The following TRPM8 variants were observed in gnomAD, a reference collection of about 807,000 sequenced individuals.
The protein encoded by TRPM8 is TRPM8 cationic channel.
In TRPM8, 110 loss-of-function variants were observed where a neutral mutation model predicts 133.7. That is an observed-to-expected ratio of 0.82 (90% CI 0.70 to 0.96). The LOEUF (loss-of-function observed/expected upper bound fraction) is 0.96, where lower values mean the gene tolerates loss of function less well. Among genes scored for constraint, TRPM8 ranks in the 40% least tolerant of loss-of-function variants. The pLI is 0.00. For synonymous variants in TRPM8, 535 were observed against 532.3 expected, an observed-to-expected ratio of 1.01 and a Z score of -0.07; for missense variants, 1,291 against 1,379.5, an observed-to-expected ratio of 0.94 and a Z score of 1.02.
chr2:233,949,401 G>C (rs1248862134), intron 8 of TRPM8, among the ~76,000 whole-genome samples: 1 of 152,182 alleles, frequency 6.6e-6, no homozygotes, highest in African/African-American at 2.4e-5. Context: ...AGTGTGCTAG[G>C]TGTTTATCCA....
intron 23 of TRPM8, 62 bp downstream of exon 23, chr2:234,007,014 G>T: frequency 3.9e-6 from 5 of 1,282,014 alleles, no homozygotes; most frequent in Non-Finnish European, 5.6e-6. Flanking sequence ...CCCATAGAAC[G>T]TAGGCAGCTT....
In TRPM8 at chr2:234,017,473, T is replaced by G; in HGVS notation, c.*217T>G. The stretch of plus-strand genomic sequence containing the variant: ...ACGGATATAAAGGAAGAATATTTCC[T>G]TTATGTGTTTCTCCAGAATGGTGCC... On this transcript the variant is annotated 3_prime_UTR_variant, in exon 26 of 26. Coordinates refer to ENST00000324695, the MANE Select transcript of TRPM8 (RefSeq NM_024080.5). 2 of 428,448 alleles carry G rather than the reference T, an allele frequency of 4.7e-6. No homozygotes were observed. Among genetic ancestry groups the G allele is most frequent in the Non-Finnish European group, 9.5e-6 (2 of 210,206 alleles). 26.5% of individuals were successfully genotyped at this position (428,448 alleles called of 1,614,324 possible).
At chr2:234,006,009 T>C (rs894899301) in intron 22 of TRPM8, among the ~76,000 whole-genome samples, 1 of 151,960 alleles carries the variant, frequency 6.6e-6, no homozygotes, top group South Asian at 2.1e-4. Flanking sequence ...TGGTTCTGTC[T>C]TTGACCCCCA....
intron 17 of TRPM8, among the ~76,000 whole-genome samples, chr2:233,973,802 T>C (rs1470508049): frequency 6.6e-6 from 1 of 152,198 alleles, no homozygotes; most frequent in Non-Finnish European, 1.5e-5. Context: ...AGAGAAAGAC[T>C]GAAGGAGATT....
chr2:233,947,265 C>T (rs774670084), intron 8 of TRPM8, 110 bp downstream of exon 8: 20 of 1,560,360 alleles, frequency 1.3e-5, no homozygotes, highest in Admixed American at 1.9e-5. Flanking sequence ...TTTACTGCAG[C>T]AAGTAGGTAG....
chr2:233,961,334 C>A (rs543887259), intron 12 of TRPM8, among the ~76,000 whole-genome samples: 94 of 152,108 alleles, frequency 6.2e-4, no homozygotes, highest in Non-Finnish European at 1.2e-3. Context: ...GAGATGGAGT[C>A]TCGCTCTGTC....
At chr2:233,992,698 T>C (rs1181412854) in intron 21 of TRPM8, among the ~76,000 whole-genome samples, 4 of 152,134 alleles carry the variant, frequency 2.6e-5, no homozygotes, top group African/African-American at 9.7e-5. Context: ...TCGCTGGAGA[T>C]GCACAAAGGG....
intron 4 of TRPM8, 95 bp downstream of exon 4, chr2:233,937,604 A>T: frequency 7.1e-7 from 1 of 1,398,718 alleles, no homozygotes; most frequent in African/African-American, 1.4e-5. Context: ...GGATGGAGGC[A>T]GGAGAGATGG....
rs2125394426 is a variant in TRPM8, at chr2:234,006,741, A to T, written c.3131-112A>T. The T allele has an allele frequency of 4.1e-6, 3 of 732,070 alleles. No homozygotes were observed. The East Asian group carries it at 8.6e-5, about 21-fold the overall frequency. 45.3% of individuals were successfully genotyped at this position (732,070 alleles called of 1,614,324 possible). ...CATCAGTCAAACCAGCCTGTGCAGG[A>T]CGAATCTCATTCTTAGTTCTAGAGT... On this transcript the variant is annotated intron_variant, in intron 22 of 25. Coordinates refer to ENST00000324695, the MANE Select transcript of TRPM8 (RefSeq NM_024080.5).
rs1553656129 is a variant in TRPM8, at chr2:233,942,071, C to CTGTTTTTTT, written c.527-504_527-503insGTTTTTTTT. Among the ~76,000 whole-genome samples the CTGTTTTTTT allele has an allele frequency of 8.1e-5, 9 of 111,674 alleles. 1 individual carries two copies. The highest frequency in any genetic ancestry group is 3.1e-4 in the African/African-American group (8 of 25,644). 73.3% of individuals were successfully genotyped at this position (111,674 alleles called of 152,430 possible). A position where few individuals can be genotyped will look rare whatever the true frequency, so the allele number is the denominator to read the frequency against. ...GCAGATCTGGAATAGGGTCAAGAAT[C>CTGTTTTTTT]TTTTTTTTTTTTTTTTTTTTCTTTT... is the stretch of plus-strand genomic sequence containing the variant. On this transcript the variant is annotated intron_variant, in intron 5 of 25. Coordinates refer to ENST00000324695, the MANE Select transcript of TRPM8 (RefSeq NM_024080.5).
rs1177886728 is a variant in TRPM8, at chr2:233,942,632, G to A, written c.583G>A (p.Val195Met). The A allele has an allele frequency of 6.2e-7, 1 of 1,614,230 alleles. No homozygotes were observed. ...TGGCCTGATGAAGTACATCGGGGAG[G>A]TGGTGAGAGATAACACCATCAGCAG... Reference protein sequence around the residue: ...HYGLMKYIGEVVRDNTISRSS... With the variant: ...HYGLMKYIGEMVRDNTISRSS... Residue 195 changes from valine to methionine, a missense_variant, in exon 6 of 26, where the codon GTG (valine) becomes ATG (methionine). Val to Met is a conservative substitution (Grantham distance 21, BLOSUM62 1). This residue lies in a region of TRPM8 where 963 missense variants were observed against 968.9 expected (regional missense o/e 0.99). Coordinates refer to ENST00000324695, the MANE Select transcript of TRPM8 (RefSeq NM_024080.5).
At position 233,945,844 on chromosome 2, in the gene TRPM8, T is replaced by C; in HGVS notation, c.700-12T>C. 1.2e-6 allele frequency: 2 copies of C among 1,605,806 alleles called. No homozygotes were observed. Among genetic ancestry groups the C allele is most frequent in the Non-Finnish European group, 1.7e-6 (2 of 1,173,428 alleles). ...ATACAATCTCAAAGACAAGTTTCCC[T>C]GTACTTTTCAGGGCTATTTTTTAGC... On this transcript the variant is annotated splice_polypyrimidine_tract_variant and intron_variant, in intron 6 of 25. Coordinates refer to ENST00000324695, the MANE Select transcript of TRPM8 (RefSeq NM_024080.5).
intron 25 of TRPM8, among the ~76,000 whole-genome samples, chr2:234,016,843 A>T (rs1301883238): frequency 6.6e-6 from 1 of 152,176 alleles, no homozygotes; most frequent in Admixed American, 6.5e-5. Context: ...TTTCCTGCAT[A>T]ATAGTCCGTT....
chr2:233,974,597 A>C (rs902607643), intron 17 of TRPM8, among the ~76,000 whole-genome samples: 1 of 152,182 alleles, frequency 6.6e-6, no homozygotes, highest in Non-Finnish European at 1.5e-5. Context: ...GGTTCCTGGC[A>C]GGCCTTTTCT....
chr2:233,969,840 G>C (rs762142491), intron 16 of TRPM8, 33 bp downstream of exon 16: 46 of 1,257,574 alleles, frequency 3.7e-5, no homozygotes, highest in Non-Finnish European at 5.1e-5. Context: ...GTGTGTGAGT[G>C]TGTGTGCCAG....
chr2:233,976,384 T>C (rs1668350000), intron 17 of TRPM8, among the ~76,000 whole-genome samples: 1 of 152,164 alleles, frequency 6.6e-6, no homozygotes, highest in South Asian at 2.1e-4. Context: ...TCAGGAGAGG[T>C]ACATTTTCCT....
intron 7 of TRPM8, chr2:233,946,264 A>G (rs574508815): frequency 2.4e-6 from 1 of 415,846 alleles, no homozygotes; most frequent in Admixed American, 3.7e-5. Context: ...AAATACGGCC[A>G]TCTTCCATTG....
In TRPM8 at chr2:233,970,269, C is replaced by A. The variant is rs1691678891; in HGVS notation, c.2198C>A (p.Ser733Tyr). 1 of 1,614,204 alleles carries A rather than the reference C, an allele frequency of 6.2e-7. No homozygotes were observed. ...LLWYYVAFFT[S>Y]PFVVFSWNVV... ...TGGTACTATGTGGCGTTCTTCACCT[C>A]CCCCTTCGTGGTCTTCTCCTGGAAT... The change falls in exon 17 of 26, where the codon TCC becomes TAC. Residue 733 changes from serine (S) to tyrosine (Y), a missense_variant. Transcript: ENST00000324695.
chr2:233,937,642 A>T lies in TRPM8; in HGVS notation c.348+133A>T, dbSNP rs918408977. ...AGTAAACACCAAAAACGATTGCAGA[A>T]AAAGATACATCTTGTAAAAGCCAAA... On this transcript the variant is annotated intron_variant, in intron 4 of 25. Coordinates refer to ENST00000324695, the MANE Select transcript of TRPM8 (RefSeq NM_024080.5). 9.3e-6 allele frequency: 10 copies of T among 1,075,522 alleles called. No homozygotes were observed. The African/African-American group carries it at 1.6e-4, about 17-fold the overall frequency. The allele number at this position is 1,075,522 out of a possible 1,614,324, so 66.6% of individuals were successfully genotyped here. A position where few individuals can be genotyped will look rare whatever the true frequency, so the allele number is the denominator to read the frequency against.
Sources: allele counts gnomAD v4.1 joint callset (sites outside exome capture counted in the v4.1 genomes callset), GRCh38; gene constraint gnomAD v4.1.1; regional missense constraint gnomAD v4.1.1; transcripts MANE v1.5; gene names NCBI Gene and HGNC (gene_info 2026-07-23, HGNC 2026-07-21).